SERPINI1: variants seen among roughly 807,000 people sequenced by gnomAD.
SERPINI1 encodes the protein serpin family I member 1.
A neutral mutation model predicts 41.1 loss-of-function variants in SERPINI1; 19 were observed. That is an observed-to-expected ratio of 0.46 (90% CI 0.32 to 0.68). The LOEUF (loss-of-function observed/expected upper bound fraction) is 0.68. Among genes scored for constraint, SERPINI1 ranks in the 30% least tolerant of loss-of-function variants. SERPINI1 has a pLI of 0.03. For synonymous variants in SERPINI1, 138 were observed against 156.6 expected (o/e 0.88, Z 0.89); for missense variants, 460 against 479.2 (o/e 0.96, Z 0.37).
At chr3:167,784,577 A>G (rs1727242404) in intron 1 of SERPINI1, among the ~76,000 whole-genome samples, 1 of 152,208 alleles carries the variant, frequency 6.6e-6, no homozygotes, top group South Asian at 2.1e-4. Context: ...GAGACTTACA[A>G]TCATGGTGGA....
chr3:167,762,747 C>A (rs1726428729), intron 1 of SERPINI1, among the ~76,000 whole-genome samples: 1 of 152,156 alleles, frequency 6.6e-6, no homozygotes, highest in African/African-American at 2.4e-5. Flanking sequence ...CACCTCCTTA[C>A]TTTCTTATCC....
intron 1 of SERPINI1, among the ~76,000 whole-genome samples, chr3:167,746,799 CATA>C (rs1280950425): frequency 1.3e-5 from 2 of 152,198 alleles, no homozygotes; most frequent in Admixed American, 1.3e-4. Flanking sequence ...TTTGAACCCT[CATA>C]ATATTTTTTG....
rs1401142594 is a variant in SERPINI1, at chr3:167,818,095, G to A, written c.980-4891G>A. ...GACTGGAGTGCAATGGCATGTTCTC[G>A]GCTCACCGCAACCTCTGCCTCTCGG... On this transcript the variant is annotated intron_variant, in intron 6 of 8. Transcript: ENST00000446050. Among the ~76,000 whole-genome samples the A allele has an allele frequency of 9.2e-5, 14 of 151,846 alleles. 1 individual carries two copies. The highest frequency in any genetic ancestry group is 6.4e-3 in the Middle Eastern group (2 of 314).
At chr3:167,771,677 A>G (rs1415604016) in intron 1 of SERPINI1, among the ~76,000 whole-genome samples, 1 of 152,246 alleles carries the variant, frequency 6.6e-6, no homozygotes, top group Non-Finnish European at 1.5e-5. Flanking sequence ...ACAGGTTAAC[A>G]TCCCAATAAA....
At chr3:167,793,594 A>ATTTTTTTTTTTT (rs544906097) in intron 4 of SERPINI1, among the ~76,000 whole-genome samples, 5 of 106,416 alleles carry the variant, frequency 4.7e-5, no homozygotes, top group African/African-American at 1.9e-4. Flanking sequence ...ATATATATAT[A>ATTTTTTTTTTTT]TATTTTTAAT....
At chr3:167,802,369 C>T (rs1350220141) in intron 5 of SERPINI1, among the ~76,000 whole-genome samples, 2 of 150,104 alleles carry the variant, frequency 1.3e-5, no homozygotes, top group Non-Finnish European at 1.5e-5. Flanking sequence ...ATTTTTGCAA[C>T]CTACTCATCT....
intron 1 of SERPINI1, among the ~76,000 whole-genome samples, chr3:167,771,835 G>T (rs562825781): frequency 1.5e-5 from 2 of 132,980 alleles, no homozygotes; most frequent in African/African-American, 5.9e-5. Context: ...GTGTGTGCGC[G>T]TGTGTGTGTG....
chr3:167,777,317 T>TTAAGA (rs10651144), intron 1 of SERPINI1, among the ~76,000 whole-genome samples: 8,762 of 152,286 alleles, frequency 0.058, 295 homozygotes, highest in Admixed American at 0.086. Context: ...TTTATTGACA[T>TTAAGA]TATCTTAAGT....
chr3:167,769,612 A>G (rs1024388395), intron 1 of SERPINI1, among the ~76,000 whole-genome samples: 1 of 152,322 alleles, frequency 6.6e-6, no homozygotes, highest in East Asian at 1.9e-4. Flanking sequence ...GACATATTCT[A>G]CAACTTTTAA....
At chr3:167,804,591 A>G (rs889187787) in intron 5 of SERPINI1, among the ~76,000 whole-genome samples, 2 of 152,142 alleles carry the variant, frequency 1.3e-5, no homozygotes, top group African/African-American at 4.8e-5. Flanking sequence ...CTAGCTACTC[A>G]GGAGGCCAAG....
At chr3:167,775,954 G>A (rs754882172) in intron 1 of SERPINI1, among the ~76,000 whole-genome samples, 55 of 151,622 alleles carry the variant, frequency 3.6e-4, no homozygotes, top group Admixed American at 1.7e-3. Flanking sequence ...GTGAGACCCC[G>A]TCCCAAAAAA....
intron 1 of SERPINI1, among the ~76,000 whole-genome samples, chr3:167,768,007 T>C (rs1380121234): frequency 1.3e-5 from 2 of 152,196 alleles, no homozygotes; most frequent in African/African-American, 4.8e-5. Flanking sequence ...AAAGCAATGG[T>C]AGGGTTTGAG....
chr3:167,767,695 T>G (rs1323442689), intron 1 of SERPINI1, among the ~76,000 whole-genome samples: 1 of 152,128 alleles, frequency 6.6e-6, no homozygotes, highest in Non-Finnish European at 1.5e-5. Flanking sequence ...GTGTCAACAT[T>G]AAAGAGAGTT....
At chr3:167,744,645 TAAA>T (rs1725790184) in intron 1 of SERPINI1, among the ~76,000 whole-genome samples, 2 of 132,922 alleles carry the variant, frequency 1.5e-5, no homozygotes, top group African/African-American at 2.9e-5. Context: ...TATTTATATA[TAAA>T]TATATATAAA....
intron 6 of SERPINI1, among the ~76,000 whole-genome samples, chr3:167,821,343 C>T (rs546271158): frequency 1.3e-5 from 2 of 152,348 alleles, no homozygotes; most frequent in South Asian, 2.1e-4. Context: ...AGGGCTGTGA[C>T]ACCCGCTTTG....
At chr3:167,798,164 T>C (rs1390133267) in intron 5 of SERPINI1, among the ~76,000 whole-genome samples, 1 of 152,176 alleles carries the variant, frequency 6.6e-6, no homozygotes, top group African/African-American at 2.4e-5. Flanking sequence ...CTAGGTCCTG[T>C]CCACTGAGAA....
intron 1 of SERPINI1, among the ~76,000 whole-genome samples, chr3:167,776,391 C>T (rs1726969865): frequency 6.6e-6 from 1 of 152,204 alleles, no homozygotes; most frequent in Admixed American, 6.5e-5. Flanking sequence ...GACCTGCCAG[C>T]TCACTGGGTT....
chr3:167,809,349 C>T lies in SERPINI1; in HGVS notation c.979+2008C>T, dbSNP rs571973908. On this transcript the variant is annotated intron_variant, in intron 6 of 8. Transcript: ENST00000446050. Reference sequence around the variant, plus strand: ...TACTTTCTTAACGTGGCTCTATTTTCAGTTTGATTAGTAATTCCTCACTGT... The same window carrying T: ...TACTTTCTTAACGTGGCTCTATTTTTAGTTTGATTAGTAATTCCTCACTGT... 3.9e-5 allele frequency among the ~76,000 whole-genome samples: 6 copies of T among 152,250 alleles called. No homozygotes were observed. In the East Asian group the frequency reaches 1.2e-3, roughly 29 times the overall value.
At chr3:167,739,105 T>C (rs571992943) in intron 1 of SERPINI1, among the ~76,000 whole-genome samples, 2 of 150,690 alleles carry the variant, frequency 1.3e-5, no homozygotes, top group African/African-American at 4.9e-5. Context: ...GATTTTTTTG[T>C]TGTTTCTTTT....
Sources: allele counts gnomAD v4.1 joint callset (sites outside exome capture counted in the v4.1 genomes callset), GRCh38; gene constraint gnomAD v4.1.1; transcripts MANE v1.5; gene names NCBI Gene and HGNC (gene_info 2026-07-23, HGNC 2026-07-21).